Variants in FHOD3 observed in about 807,000 individuals in gnomAD.
FHOD3 encodes formin homology 2 domain containing 3.
A neutral mutation model predicts 173.0 loss-of-function variants in FHOD3; 90 were observed. The observed-to-expected ratio is 0.52, with a 90% CI of 0.44 to 0.62. FHOD3 has a LOEUF of 0.62. FHOD3 is among the 20% of genes least tolerant of loss of function. FHOD3 has a pLI of 0.00. For missense variants in FHOD3, 1,945 were observed against 2,034.7 expected (o/e 0.96, Z 0.85); for synonymous variants, 828 against 823.0 (o/e 1.01, Z -0.10).
At chr18:36,413,647 C>T (rs2049473510) in intron 3 of FHOD3, among the ~76,000 whole-genome samples, 1 of 152,188 alleles carries the variant, frequency 6.6e-6, no homozygotes, top group African/African-American at 2.4e-5. Context: ...TCATTCATGG[C>T]AATGCTAAGG....
At chr18:36,563,558 A>G (rs979750806) in intron 5 of FHOD3, among the ~76,000 whole-genome samples, 6 of 152,208 alleles carry the variant, frequency 3.9e-5, no homozygotes, top group African/African-American at 7.2e-5. Context: ...CATCCTAACC[A>G]TACAGGATCC....
chr18:36,643,201 T>C (rs940253701), intron 10 of FHOD3, among the ~76,000 whole-genome samples: 9 of 152,178 alleles, frequency 5.9e-5, no homozygotes, highest in African/African-American at 1.9e-4. Flanking sequence ...GAGAACATTA[T>C]TGGACTCTCA....
rs370995306 is a variant in FHOD3 at position 36,499,040 on chromosome 18, CAAGT to C, written c.338-2888_338-2885del. Among the ~76,000 whole-genome samples, 12 of 152,268 alleles carry C rather than the reference CAAGT, an allele frequency of 7.9e-5. No individual in the cohort carries two copies. In the East Asian group the frequency reaches 9.7e-4, roughly 12 times the overall value. On this transcript the variant is annotated intron_variant, in intron 3 of 28. Transcript: ENST00000590592. ...CATATTTCTGCTTATCATCTGCTAA[CAAGT>C]AAGAAGGTCTAATGCAAGCCTATTG... is the stretch of plus-strand genomic sequence containing the variant.
intron 6 of FHOD3, among the ~76,000 whole-genome samples, chr18:36,580,164 C>A (rs2058795161): frequency 6.6e-6 from 1 of 152,142 alleles, no homozygotes; most frequent in African/African-American, 2.4e-5. Flanking sequence ...TGTGCTTTCC[C>A]AGCCTCCCCA....
chr18:36,622,625 G>C (rs1286705031), intron 9 of FHOD3, among the ~76,000 whole-genome samples: 1 of 152,230 alleles, frequency 6.6e-6, no homozygotes. Flanking sequence ...CAGTGTTAGA[G>C]GTCTTGCAGG....
At chr18:36,765,129 G>T (rs1180888463) in intron 27 of FHOD3, among the ~76,000 whole-genome samples, 3 of 152,190 alleles carry the variant, frequency 2.0e-5, no homozygotes, top group Non-Finnish European at 4.4e-5. Flanking sequence ...GCGGGATGGG[G>T]GTTGGAGGGA....
chr18:36,408,956 A>G (rs2069796638), intron 3 of FHOD3, among the ~76,000 whole-genome samples: 1 of 152,148 alleles, frequency 6.6e-6, no homozygotes, highest in African/African-American at 2.4e-5. Context: ...ACTCATTATT[A>G]TTGCGAGGAG....
At chr18:36,712,676 A>AGG (rs763421629) in intron 18 of FHOD3, among the ~76,000 whole-genome samples, 11 of 152,212 alleles carry the variant, frequency 7.2e-5, no homozygotes, top group Non-Finnish European at 1.2e-4. Context: ...GGGAGGAGAG[A>AGG]GAGTGTAATG....
chr18:36,742,411 G>T (rs1002998344), intron 21 of FHOD3, among the ~76,000 whole-genome samples: 13 of 152,180 alleles, frequency 8.5e-5, no homozygotes, highest in Non-Finnish European at 5.9e-5. Flanking sequence ...TGGTCTAGAA[G>T]CCGAAGGAAG....
intron 5 of FHOD3, among the ~76,000 whole-genome samples, chr18:36,543,800 G>C (rs1371348474): frequency 6.6e-6 from 1 of 152,206 alleles, no homozygotes; most frequent in East Asian, 1.9e-4. Flanking sequence ...GCCAGTGCCA[G>C]TGCTGGTGCT....
intron 5 of FHOD3, among the ~76,000 whole-genome samples, chr18:36,518,548 C>T (rs1448809247): frequency 2.0e-5 from 3 of 152,190 alleles, no homozygotes; most frequent in African/African-American, 7.2e-5. Flanking sequence ...AAAATCACTG[C>T]AGCGTAAGCA....
chr18:36,420,454 A>T (rs918200920), intron 3 of FHOD3, among the ~76,000 whole-genome samples: 1 of 152,208 alleles, frequency 6.6e-6, no homozygotes, highest in Admixed American at 6.5e-5. Context: ...TCTAAGTGCC[A>T]GCCTGCCCAC....
chr18:36,628,139 G>A (rs1394944260), intron 10 of FHOD3, among the ~76,000 whole-genome samples: 2 of 152,144 alleles, frequency 1.3e-5, no homozygotes, highest in African/African-American at 2.4e-5. Flanking sequence ...CACTCAGATG[G>A]TCCTTTTGCA....
intron 6 of FHOD3, among the ~76,000 whole-genome samples, chr18:36,586,570 C>T (rs2059039555): frequency 6.6e-6 from 1 of 151,942 alleles, no homozygotes; most frequent in South Asian, 2.1e-4. Context: ...CTGCAACCTC[C>T]TGCCGCCTCC....
chr18:36,335,234 G>A (rs1218126818), intron 1 of FHOD3, among the ~76,000 whole-genome samples: 1 of 152,244 alleles, frequency 6.6e-6, no homozygotes, highest in African/African-American at 2.4e-5. Context: ...GGTGGCTCAC[G>A]CCTGTAATCC....
intron 3 of FHOD3, 37 bp from the exon 4 acceptor site, chr18:36,501,895 A>G: frequency 7.2e-7 from 1 of 1,392,050 alleles, no homozygotes; most frequent in Non-Finnish European, 1.0e-6. Flanking sequence ...CAATAGAGTC[A>G]GTTTAATTAA....
At chr18:36,580,956 C>T (rs1409828393) in intron 6 of FHOD3, among the ~76,000 whole-genome samples, 2 of 152,220 alleles carry the variant, frequency 1.3e-5, no homozygotes, top group Non-Finnish European at 2.9e-5. Context: ...AGTACTGGAG[C>T]AGAAACATCT....
chr18:36,433,715 C>A (rs1357382781), intron 3 of FHOD3, among the ~76,000 whole-genome samples: 1 of 152,032 alleles, frequency 6.6e-6, no homozygotes, highest in East Asian at 1.9e-4. Flanking sequence ...TCTTTTTGAC[C>A]AAAATATAGG....
At chr18:36,369,440 A>AACACACACACACACAC (rs59109469) in intron 2 of FHOD3, among the ~76,000 whole-genome samples, 2 of 94,174 alleles carry the variant, frequency 2.1e-5, no homozygotes, top group African/African-American at 4.0e-5. Context: ...ATTTTATTTA[A>AACACACACACACACAC]ACACACACAC....
Sources: gnomAD v4.1 joint callset for allele counts (sites outside exome capture counted in the v4.1 genomes callset) on GRCh38, gnomAD v4.1.1 for gene constraint, MANE v1.5 for transcripts, NCBI Gene and HGNC (gene_info 2026-07-23, HGNC 2026-07-21) for gene names.